The following SLC6A11 variants were observed in gnomAD, a reference collection of about 807,000 sequenced individuals.
SLC6A11 encodes solute carrier family 6 member 11.
Under a neutral mutation model 74.8 loss-of-function variants are expected in SLC6A11, and 25 were observed. That is an observed-to-expected ratio of 0.33 (90% confidence interval 0.24 to 0.47). The LOEUF is 0.47. Ranked by LOEUF, SLC6A11 falls within the 20% of genes least tolerant of loss-of-function variation. The pLI, the probability that SLC6A11 is intolerant of heterozygous loss-of-function variation, is 1.00. For missense variants in SLC6A11, 574 were observed against 837.0 expected (o/e 0.69, Z 3.88); for synonymous variants, 330 against 330.2 (o/e 1.00, Z 0.01).
At position 10,923,021 on chromosome 3, in the gene SLC6A11, A is replaced by G. The variant is rs144768599; in HGVS notation, c.1121-2983A>G. ...TGAGAAAGAAGTTATAAATAAGGAA[A>G]GGAGAGATGCTAGAATGTCTTTTAT... On this transcript the variant is annotated intron_variant, in intron 8 of 13. Coordinates refer to ENST00000254488, the MANE Select transcript of SLC6A11 (RefSeq NM_014229.3). Among the ~76,000 whole-genome samples the G allele has an allele frequency of 1.2e-3, 181 of 152,284 alleles. 1 individual carries two copies. The highest frequency in any genetic ancestry group is 3.9e-3 in the African/African-American group (162 of 41,570).
chr3:10,892,946 C>T (rs1251213103), intron 6 of SLC6A11, among the ~76,000 whole-genome samples: 1 of 152,118 alleles, frequency 6.6e-6, no homozygotes, highest in Non-Finnish European at 1.5e-5. Context: ...GGTGTTAATC[C>T]AAGCTACAGT....
At chr3:10,888,595 C>T (rs1386196006) in intron 6 of SLC6A11, among the ~76,000 whole-genome samples, 2 of 152,180 alleles carry the variant, frequency 1.3e-5, no homozygotes, top group South Asian at 2.1e-4. Context: ...TCAAGGTGCA[C>T]GTACTGTGTG....
chr3:10,875,652 A>G (rs957943083), intron 6 of SLC6A11, among the ~76,000 whole-genome samples: 1 of 152,214 alleles, frequency 6.6e-6, no homozygotes, highest in Admixed American at 6.5e-5. Flanking sequence ...GTAGTAAAAA[A>G]AGAGTTGGAG....
intron 6 of SLC6A11, among the ~76,000 whole-genome samples, chr3:10,899,604 A>C (rs1695213500): frequency 6.6e-6 from 1 of 152,206 alleles, no homozygotes; most frequent in East Asian, 1.9e-4. Flanking sequence ...CAGCTTCTGA[A>C]AGATTTCTCC....
intron 6 of SLC6A11, among the ~76,000 whole-genome samples, chr3:10,903,528 G>C (rs1575696310): frequency 6.6e-6 from 1 of 152,184 alleles, no homozygotes; most frequent in African/African-American, 2.4e-5. Flanking sequence ...TTAAGGGTAG[G>C]AGCTCTGTAA....
intron 8 of SLC6A11, among the ~76,000 whole-genome samples, chr3:10,922,263 C>T (rs1018629674): frequency 2.0e-5 from 3 of 151,864 alleles, no homozygotes; most frequent in Non-Finnish European, 4.4e-5. Flanking sequence ...AAATTGAGAC[C>T]CATTAATATA....
Position 10,918,266 on chromosome 3 carries a change from C to T in SLC6A11, c.996-63C>T, listed in dbSNP as rs140476080. The T allele has an allele frequency of 4.3e-5, 64 of 1,480,098 alleles. No homozygotes were observed. Among genetic ancestry groups the T allele is most frequent in the Admixed American group, 1.8e-4 (7 of 39,536 alleles). The allele number at this position is 1,480,098 out of a possible 1,614,324, so 91.7% of individuals were successfully genotyped here. A position where few individuals can be genotyped will look rare whatever the true frequency, so the allele number is the denominator to read the frequency against. ...ACAGCCATGGTGCTCGGGTGGAGAA[C>T]GTTTGAGCCGTGCACCGGTTCTGCC... On this transcript the variant is annotated intron_variant, in intron 7 of 13. Coordinates refer to ENST00000254488, the MANE Select transcript of SLC6A11 (RefSeq NM_014229.3). This position sits in a 1 kb window ranked among gnomAD's most constrained non-coding sequence, Gnocchi z 4.5.
chr3:10,891,185 T>G (rs904273768), intron 6 of SLC6A11, among the ~76,000 whole-genome samples: 12 of 152,234 alleles, frequency 7.9e-5, no homozygotes, highest in African/African-American at 2.9e-4. Context: ...CCTCCTCAAC[T>G]TCAGTTTTGA....
At chr3:10,866,295 A>G (rs1694761943) in intron 5 of SLC6A11, among the ~76,000 whole-genome samples, 1 of 152,350 alleles carries the variant, frequency 6.6e-6, no homozygotes, top group South Asian at 2.1e-4. Flanking sequence ...CTTGTTGGCC[A>G]GAACATAGAT....
chr3:10,850,878 A>G (rs941071001), intron 5 of SLC6A11, among the ~76,000 whole-genome samples: 1 of 152,154 alleles, frequency 6.6e-6, no homozygotes, highest in Non-Finnish European at 1.5e-5. Flanking sequence ...CTGTTAGCAT[A>G]GGACCAGGGA....
chr3:10,874,682 C>T (rs915740710), intron 5 of SLC6A11, among the ~76,000 whole-genome samples: 2 of 152,208 alleles, frequency 1.3e-5, no homozygotes, highest in African/African-American at 4.8e-5. Context: ...CATTTCCCCC[C>T]TCCCAGTTCC....
intron 5 of SLC6A11, among the ~76,000 whole-genome samples, chr3:10,858,535 C>T (rs999601678): frequency 3.3e-5 from 5 of 152,124 alleles, no homozygotes; most frequent in African/African-American, 7.2e-5. Flanking sequence ...TCCAGGTTGC[C>T]CCTTAGAGGA....
At chr3:10,878,044 A>T (rs1402933034) in intron 6 of SLC6A11, among the ~76,000 whole-genome samples, 1 of 152,222 alleles carries the variant, frequency 6.6e-6, no homozygotes, top group African/African-American at 2.4e-5. Flanking sequence ...CTGGTCATCC[A>T]GAAATGGCTC....
At chr3:10,884,724 G>C (rs1005293879) in intron 6 of SLC6A11, among the ~76,000 whole-genome samples, 1 of 152,152 alleles carries the variant, frequency 6.6e-6, no homozygotes, top group Admixed American at 6.5e-5. Flanking sequence ...TAGAATCTTA[G>C]CCTTGGGCAG....
intron 6 of SLC6A11, among the ~76,000 whole-genome samples, chr3:10,890,960 G>A (rs184843408): frequency 2.6e-4 from 40 of 152,322 alleles, no homozygotes; most frequent in Admixed American, 3.9e-4. Context: ...CATATCTGGC[G>A]CTTTCATGGT....
intron 4 of SLC6A11, among the ~76,000 whole-genome samples, chr3:10,837,149 G>A (rs973252439): frequency 6.6e-6 from 1 of 152,210 alleles, no homozygotes; most frequent in South Asian, 2.1e-4. Context: ...TTGAGCTGGT[G>A]CTTGAAGGAT....
chr3:10,900,902 G>A (rs772725020), intron 6 of SLC6A11, among the ~76,000 whole-genome samples: 8 of 152,140 alleles, frequency 5.3e-5, no homozygotes, highest in Non-Finnish European at 1.0e-4. Flanking sequence ...CCAGGACTAG[G>A]TAGGACTGCT....
At chr3:10,937,121 C>T (rs1467997480) in intron 13 of SLC6A11, among the ~76,000 whole-genome samples, 1 of 152,116 alleles carries the variant, frequency 6.6e-6, no homozygotes, top group Non-Finnish European at 1.5e-5. Context: ...AGGATGCATC[C>T]TACTGAATGA....
chr3:10,873,997 GCTAT>G (rs1237038224), intron 5 of SLC6A11, among the ~76,000 whole-genome samples: 16 of 145,240 alleles, frequency 1.1e-4, no homozygotes, highest in African/African-American at 4.2e-4. Context: ...GCTACGCTAT[GCTAT>G]GCTATGCTAT....
Sources: gnomAD v4.1 joint callset for allele counts (sites outside exome capture counted in the v4.1 genomes callset) on GRCh38, gnomAD v4.1.1 for gene constraint, Gnocchi (gnomAD v3.1) non-coding constraint, MANE v1.5 for transcripts, NCBI Gene and HGNC (gene_info 2026-07-23, HGNC 2026-07-21) for gene names.